The following MTUS1 variants were observed in gnomAD, a reference collection of about 807,000 sequenced individuals.
MTUS1 encodes microtubule-associated tumor suppressor 1.
In MTUS1, 109 loss-of-function variants were observed where a neutral mutation model predicts 120.8. The observed-to-expected ratio is 0.90, with a 90% CI of 0.77 to 1.06. MTUS1 has a LOEUF of 1.06. Ranked by LOEUF, MTUS1 falls within the 50% of genes least tolerant of loss-of-function variation. The pLI, the probability that MTUS1 is intolerant of heterozygous loss-of-function variation, is 0.00. For synonymous variants in MTUS1, 737 were observed against 550.5 expected (o/e 1.34, Z -4.74); for missense variants, 2,210 against 1,486.3 (o/e 1.49, Z -8.01).
intron 8 of MTUS1, among the ~76,000 whole-genome samples, chr8:17,665,096 G>A (rs1231448030): frequency 6.6e-6 from 1 of 152,166 alleles, no homozygotes; most frequent in African/African-American, 2.4e-5. Context: ...CCCAGCCTGT[G>A]GAATAATCCC....
At chr8:17,765,523 G>A (rs192573956) in intron 1 of MTUS1, among the ~76,000 whole-genome samples, 1 of 151,102 alleles carries the variant, frequency 6.6e-6, no homozygotes, top group East Asian at 1.9e-4. Context: ...GGGAGGCTGA[G>A]GCAGAAGAAT....
chr8:17,761,558 A>G (rs1291168197), intron 1 of MTUS1, among the ~76,000 whole-genome samples: 1 of 152,242 alleles, frequency 6.6e-6, no homozygotes, highest in Non-Finnish European at 1.5e-5. Context: ...AGAGGCTTAT[A>G]TAAGAGTAGA....
intron 4 of MTUS1, among the ~76,000 whole-genome samples, chr8:17,717,237 A>C (rs930473680): frequency 6.6e-6 from 1 of 152,208 alleles, no homozygotes; most frequent in Admixed American, 6.5e-5. Flanking sequence ...TGCTGAGAAA[A>C]TTCTGTCAAT....
intron 6 of MTUS1, chr8:17,697,676 C>A: frequency 1.9e-6 from 2 of 1,046,146 alleles, no homozygotes; most frequent in Non-Finnish European, 2.3e-6. Context: ...ACTGTGCATG[C>A]TTGTGGAGTT....
chr8:17,718,651 C>T (rs1490615283), intron 4 of MTUS1, among the ~76,000 whole-genome samples: 2 of 151,986 alleles, frequency 1.3e-5, no homozygotes, highest in East Asian at 3.9e-4. Context: ...TGGCCACCTA[C>T]TTCTCAACCT....
intron 8 of MTUS1, among the ~76,000 whole-genome samples, chr8:17,662,591 T>A (rs896873267): frequency 6.6e-6 from 1 of 151,960 alleles, no homozygotes; most frequent in African/African-American, 2.4e-5. Context: ...TCTGGCCTCA[T>A]GATCCGCCCA....
intron 1 of MTUS1, among the ~76,000 whole-genome samples, chr8:17,800,376 T>C (rs761057523): frequency 1.1e-4 from 17 of 152,218 alleles, no homozygotes; most frequent in Non-Finnish European, 2.2e-4. Flanking sequence ...CTGGATTTCC[T>C]TTCTTAGAAC....
At chr8:17,658,939 A>G (rs1036980287) in intron 8 of MTUS1, among the ~76,000 whole-genome samples, 4 of 150,034 alleles carry the variant, frequency 2.7e-5, no homozygotes, top group African/African-American at 9.8e-5. Flanking sequence ...CAATCTACAA[A>G]TGTTTATTGA....
At chr8:17,767,706 A>AAAAAAAAAAACAAACAAACAAACAAAC (rs2049653733) in intron 1 of MTUS1, among the ~76,000 whole-genome samples, 5 of 150,814 alleles carry the variant, frequency 3.3e-5, no homozygotes, top group Admixed American at 1.3e-4. Context: ...CTCTTAAAAA[A>AAAAAAAAAAACAAACAAACAAACAAAC]AAAAAAAAAA....
intron 1 of MTUS1, among the ~76,000 whole-genome samples, chr8:17,759,894 G>C (rs1043062560): frequency 2.6e-5 from 4 of 151,662 alleles, no homozygotes; most frequent in African/African-American, 9.7e-5. Context: ...TAGTACACTT[G>C]GGTTTATGAT....
intron 8 of MTUS1, among the ~76,000 whole-genome samples, chr8:17,663,012 T>A (rs996519158): frequency 1.3e-5 from 2 of 152,124 alleles, no homozygotes; most frequent in African/African-American, 2.4e-5. Context: ...AGAAGAATTC[T>A]AGGCCAGTGA....
intron 6 of MTUS1, among the ~76,000 whole-genome samples, chr8:17,690,092 T>C (rs1052651252): frequency 2.0e-5 from 3 of 152,064 alleles, no homozygotes; most frequent in African/African-American, 7.2e-5. Context: ...AGACAACCTA[T>C]AGAATGGGAG....
At chr8:17,738,865 G>T (rs907187257) in intron 3 of MTUS1, among the ~76,000 whole-genome samples, 1 of 152,064 alleles carries the variant, frequency 6.6e-6, no homozygotes, top group Non-Finnish European at 1.5e-5. Flanking sequence ...TTAGCCTGGT[G>T]TGGTGGTTCA....
At chr8:17,698,239 A>T (rs2130888175) in intron 6 of MTUS1, among the ~76,000 whole-genome samples, 1 of 152,308 alleles carries the variant, frequency 6.6e-6, no homozygotes, top group Admixed American at 6.5e-5. Flanking sequence ...GAGTAATTGC[A>T]TTTATAGAAC....
chr8:17,678,438 A>G (rs370941990), intron 7 of MTUS1, among the ~76,000 whole-genome samples: 5 of 147,506 alleles, frequency 3.4e-5, no homozygotes, highest in South Asian at 2.1e-4. Context: ...AATGCTCAAG[A>G]AAAAAAAAAT....
intron 8 of MTUS1, among the ~76,000 whole-genome samples, chr8:17,662,349 A>ATTTTTTTTTT (rs35308070): frequency 8.9e-6 from 1 of 112,688 alleles, no homozygotes; most frequent in African/African-American, 3.5e-5. Flanking sequence ...TTTTGTCCCT[A>ATTTTTTTTTT]TTTTTTTTTT....
chr8:17,658,503 C>T (rs1808949397), intron 8 of MTUS1, among the ~76,000 whole-genome samples: 1 of 152,184 alleles, frequency 6.6e-6, no homozygotes, highest in Non-Finnish European at 1.5e-5. Flanking sequence ...TCCCAGTCTT[C>T]TGTCACCGAT....
intron 4 of MTUS1, among the ~76,000 whole-genome samples, chr8:17,716,779 C>T (rs1585914007): frequency 6.6e-6 from 1 of 152,170 alleles, no homozygotes; most frequent in Non-Finnish European, 1.5e-5. Flanking sequence ...TGGTCTCGAT[C>T]TCCTGACCTC....
chr8:17,703,120 C>T (rs1819433716), intron 6 of MTUS1, among the ~76,000 whole-genome samples: 1 of 152,122 alleles, frequency 6.6e-6, no homozygotes, highest in South Asian at 2.1e-4. Context: ...TTTTAGGGAA[C>T]AAGGGAAGAC....
Sources: gnomAD v4.1 joint callset for allele counts (sites outside exome capture counted in the v4.1 genomes callset) on GRCh38, gnomAD v4.1.1 for gene constraint, MANE v1.5 for transcripts, NCBI Gene and HGNC (gene_info 2026-07-23, HGNC 2026-07-21) for gene names.